Variants in CLTCL1 observed in about 807,000 individuals in gnomAD.
CLTCL1 encodes clathrin heavy chain like 1.
A neutral mutation model predicts 190.0 loss-of-function variants in CLTCL1; 159 were observed. The ratio of observed to expected loss-of-function variants is 0.84; its 90% CI spans 0.74 to 0.95. The LOEUF is 0.95. Ranked by LOEUF, CLTCL1 falls within the 40% of genes least tolerant of loss-of-function variation. The probability of loss-of-function intolerance (pLI) is 0.00; values close to 1 mark genes in which losing one functional copy is unlikely to be tolerated. For missense variants in CLTCL1, 1,878 were observed against 2,033.4 expected (o/e 0.92, Z 1.47); for synonymous variants, 752 against 769.6 (o/e 0.98, Z 0.38).
rs369334131 is a variant in CLTCL1 at position 19,230,196 on chromosome 22, T to C, written c.1645-221A>G. On this transcript the variant is annotated intron_variant, in intron 10 of 32. Coordinates refer to ENST00000427926, the MANE Select transcript of CLTCL1 (RefSeq NM_007098.4). ...ACTCCAATCTCTGCCCTCCACCTCC[T>C]GGGTTCAAGCGATTCTCCTGCCTCA... Among the ~76,000 whole-genome samples, 18 of 149,646 alleles carry C rather than the reference T, an allele frequency of 1.2e-4. No individual in the cohort carries two copies. In the East Asian group the frequency reaches 1.4e-3, roughly 12 times the overall value.
chr22:19,187,906 G>T, intron 28 of CLTCL1, 75 bp downstream of exon 28: 1 of 1,482,222 alleles, frequency 6.7e-7, no homozygotes, highest in Non-Finnish European at 9.4e-7. Context: ...AAGGCAGCCT[G>T]CTTTGAGAAC....
At chr22:19,224,229 C>T (rs1184397043) in intron 13 of CLTCL1, among the ~76,000 whole-genome samples, 175 bp from the exon 14 acceptor site, 6 of 152,158 alleles carry the variant, frequency 3.9e-5, no homozygotes, top group African/African-American at 7.2e-5. Flanking sequence ...AATAGCTAGT[C>T]GGATTTCCAT....
At chr22:19,284,823 A>G (rs1443662608) in intron 1 of CLTCL1, among the ~76,000 whole-genome samples, 1 of 151,854 alleles carries the variant, frequency 6.6e-6, no homozygotes, top group East Asian at 1.9e-4. Flanking sequence ...GCATGGTGGC[A>G]CGCACCTGTA....
intron 26 of CLTCL1, among the ~76,000 whole-genome samples, chr22:19,192,357 G>A (rs888914414): frequency 3.3e-5 from 5 of 152,170 alleles, no homozygotes; most frequent in Non-Finnish European, 5.9e-5. Context: ...GAGCCACCGC[G>A]CCCAGCCCTG....
chr22:19,286,243 C>T (rs1224308738), intron 1 of CLTCL1, among the ~76,000 whole-genome samples: 2 of 152,110 alleles, frequency 1.3e-5, no homozygotes, highest in Admixed American at 1.3e-4. Flanking sequence ...TTTGGTCACC[C>T]ACAATGCCAC....
chr22:19,266,039 G>GT (rs149070694), intron 2 of CLTCL1, among the ~76,000 whole-genome samples: 1 of 150,028 alleles, frequency 6.7e-6, no homozygotes, highest in South Asian at 2.1e-4. Context: ...ACACTGGCTA[G>GT]TTTTTTGTTT....
intron 16 of CLTCL1, 62 bp from the exon 17 acceptor site, chr22:19,221,673 TC>T: frequency 7.3e-7 from 1 of 1,379,060 alleles, no homozygotes; most frequent in Non-Finnish European, 9.9e-7. Context: ...TGAGGGCAAC[TC>T]CAGGGCTCTG....
intron 20 of CLTCL1, 28 bp downstream of exon 20, chr22:19,210,298 T>C: frequency 6.2e-7 from 1 of 1,605,586 alleles, no homozygotes; most frequent in Non-Finnish European, 8.5e-7. Flanking sequence ...AGGTGCTAGG[T>C]CCGACATGCT....
rs2145805871 is a variant in CLTCL1 at position 19,225,578 on chromosome 22, T to C, written c.2003A>G (p.His668Arg). ...LSVEDSVECL[H>R]AMLSANIRQN... Reference sequence around the variant, plus strand: ...TCTGATGTTAGCAGACAGCATGGCATGCAGACACTCCACAGAATCCTCCAC... The same window carrying C: ...TCTGATGTTAGCAGACAGCATGGCACGCAGACACTCCACAGAATCCTCCAC... The change falls in exon 13 of 33, where the codon CAT becomes CGT. Residue 668 changes from histidine to arginine, a missense_variant. Coordinates refer to ENST00000427926, the MANE Select transcript of CLTCL1 (RefSeq NM_007098.4). The C allele has an allele frequency of 1.3e-6, 2 of 1,581,452 alleles. No individual in the cohort carries two copies. The highest frequency in any genetic ancestry group is 1.7e-6 in the Non-Finnish European group (2 of 1,163,816).
At chr22:19,187,926 G>A in intron 28 of CLTCL1, 55 bp downstream of exon 28, 6 of 1,537,416 alleles carry the variant, frequency 3.9e-6, no homozygotes, top group Non-Finnish European at 5.4e-6. Flanking sequence ...CAGAATGGCA[G>A]TTGCAGGGGA....
chr22:19,234,647 C>A lies in CLTCL1; in HGVS notation c.1029G>T (p.Gln343His). 1 of 1,614,054 alleles carries A rather than the reference C, an allele frequency of 6.2e-7. No individual in the cohort carries two copies. Among genetic ancestry groups the A allele is most frequent in the Non-Finnish European group, 8.5e-7 (1 of 1,179,892 alleles). Residue 343 changes from glutamine (Q) to histidine (H), a missense_variant, in exon 7 of 33, where the codon CAG (glutamine) becomes CAT (histidine). Coordinates refer to ENST00000427926, the MANE Select transcript of CLTCL1 (RefSeq NM_007098.4). The part of the protein sequence containing the change: ...NIVNYATNVL[Q>H]NPDLGLRLAV... ...CCAAACGCAGACCAAGGTCTGGATT[C>A]TGAAGCACGTTGGTTGCATAATTCA...
At chr22:19,213,793 T>C (rs535771593) in intron 19 of CLTCL1, among the ~76,000 whole-genome samples, 3 of 152,074 alleles carry the variant, frequency 2.0e-5, no homozygotes, top group Non-Finnish European at 4.4e-5. Flanking sequence ...ATGTATAATA[T>C]ACACGGTAGC....
At chr22:19,200,656 T>C (rs2084852537) in intron 23 of CLTCL1, among the ~76,000 whole-genome samples, 1 of 152,008 alleles carries the variant, frequency 6.6e-6, no homozygotes, top group Non-Finnish European at 1.5e-5. Context: ...CTGGCTAACA[T>C]GGTGAAACCC....
chr22:19,290,487 G>C (rs2088070745), intron 1 of CLTCL1, among the ~76,000 whole-genome samples: 1 of 152,106 alleles, frequency 6.6e-6, no homozygotes, highest in African/African-American at 2.4e-5. Context: ...ACTGGTGCTG[G>C]CTTAGCTTAG....
chr22:19,241,221 C>T (rs2086244112), intron 4 of CLTCL1, among the ~76,000 whole-genome samples: 1 of 152,208 alleles, frequency 6.6e-6, no homozygotes, highest in South Asian at 2.1e-4. Context: ...CCCTTCTCTT[C>T]TTGGGGCTGC....
intron 2 of CLTCL1, among the ~76,000 whole-genome samples, chr22:19,274,799 T>C (rs1475180434): frequency 1.3e-5 from 2 of 151,706 alleles, no homozygotes; most frequent in African/African-American, 4.8e-5. Context: ...GCGCGATCTC[T>C]GCTCACCGCA....
chr22:19,231,258 C>G (rs1217723227), intron 10 of CLTCL1, among the ~76,000 whole-genome samples: 1 of 152,236 alleles, frequency 6.6e-6, no homozygotes, highest in Non-Finnish European at 1.5e-5. Context: ...TAGGGTCTCA[C>G]TCTATTGCCT....
intron 1 of CLTCL1, among the ~76,000 whole-genome samples, chr22:19,279,564 AC>A (rs1366011679): frequency 1.6e-4 from 24 of 152,238 alleles, no homozygotes; most frequent in Admixed American, 1.5e-3. Context: ...ATATGGGCTC[AC>A]TAAGAAGTCA....
chr22:19,187,831 C>T (rs1007705831), intron 28 of CLTCL1, 103 bp from the exon 29 acceptor site: 30 of 1,389,782 alleles, frequency 2.2e-5, no homozygotes, highest in Non-Finnish European at 2.7e-5. Context: ...ATCAGCACAG[C>T]CTTAGAAAGG....
Sources: gnomAD v4.1 joint callset for allele counts (sites outside exome capture counted in the v4.1 genomes callset) on GRCh38, gnomAD v4.1.1 for gene constraint, MANE v1.5 for transcripts, NCBI Gene and HGNC (gene_info 2026-07-23, HGNC 2026-07-21) for gene names.